IQCJ: variants seen among roughly 807,000 people sequenced by gnomAD.
IQCJ encodes IQ motif containing J.
Under a neutral mutation model 11.0 loss-of-function variants are expected in IQCJ, and 9 were observed. That is an observed-to-expected ratio of 0.82 (90% CI 0.49 to 1.43). The LOEUF is 1.43. Among genes scored for constraint, IQCJ ranks in the 40% most tolerant of loss-of-function variants. The pLI is 0.00. For synonymous variants in IQCJ, 55 were observed against 51.3 expected (o/e 1.07, Z -0.31); for missense variants, 146 against 133.2 (o/e 1.10, Z -0.47).
Position 159,263,702 on chromosome 3 carries a change from T to A in IQCJ, c.*971T>A. The A allele has an allele frequency of 2.0e-6, 2 of 985,262 alleles. No homozygotes were observed. The highest frequency in any genetic ancestry group is 2.3e-4 in the East Asian group (2 of 8,828). The allele number at this position is 985,262 out of a possible 1,614,324, so 61.0% of individuals were successfully genotyped here. ...TTTTGGGATCAGGTAAAAGTTACTGTATTTGAAATGTTTTCAGATGGTTGC... is the reference window on the plus strand; with the variant it reads ...TTTTGGGATCAGGTAAAAGTTACTGAATTTGAAATGTTTTCAGATGGTTGC... On this transcript the variant is annotated 3_prime_UTR_variant, in exon 4 of 4. Coordinates refer to ENST00000397832, the MANE Select transcript of IQCJ (RefSeq NM_001042706.3).
intron 1 of IQCJ, among the ~76,000 whole-genome samples, chr3:159,208,747 T>A (rs1013211232): frequency 2.6e-5 from 4 of 152,192 alleles, no homozygotes; most frequent in Non-Finnish European, 5.9e-5. Context: ...TGAATGTGAA[T>A]TTATTTGGAA....
At chr3:159,261,083 A>G (rs1312835059) in intron 3 of IQCJ, among the ~76,000 whole-genome samples, 1 of 152,192 alleles carries the variant, frequency 6.6e-6, no homozygotes, top group Non-Finnish European at 1.5e-5. Flanking sequence ...TGTTATTTAT[A>G]TGCTGTGACC....
At chr3:159,165,476 G>A (rs984394906) in intron 1 of IQCJ, among the ~76,000 whole-genome samples, 2 of 152,138 alleles carry the variant, frequency 1.3e-5, no homozygotes, top group African/African-American at 4.8e-5. Context: ...ATATTACACA[G>A]GCAATTGTGT....
intron 1 of IQCJ, among the ~76,000 whole-genome samples, chr3:159,236,779 A>G (rs1726618264): frequency 6.6e-6 from 1 of 152,218 alleles, no homozygotes; most frequent in Non-Finnish European, 1.5e-5. Context: ...TATAGATTTT[A>G]TGTCTTCTAC....
At chr3:159,145,660 A>AATC (rs1259986977) in intron 1 of IQCJ, among the ~76,000 whole-genome samples, 2 of 152,148 alleles carry the variant, frequency 1.3e-5, no homozygotes, top group East Asian at 1.9e-4. Flanking sequence ...AATTTTAATC[A>AATC]ATCACTTATT....
intron 1 of IQCJ, among the ~76,000 whole-genome samples, chr3:159,172,164 A>G (rs577606050): frequency 6.6e-6 from 1 of 152,302 alleles, no homozygotes; most frequent in African/African-American, 2.4e-5. Context: ...ATTGATTTTT[A>G]TAATGGTCAA....
intron 1 of IQCJ, among the ~76,000 whole-genome samples, chr3:159,152,911 C>A (rs1415372559): frequency 6.6e-6 from 1 of 151,844 alleles, no homozygotes; most frequent in Admixed American, 6.5e-5. Flanking sequence ...GGTAGTACGC[C>A]ATAAGTGACC....
At chr3:159,161,248 G>A (rs1431511535) in intron 1 of IQCJ, among the ~76,000 whole-genome samples, 2 of 152,180 alleles carry the variant, frequency 1.3e-5, no homozygotes. Context: ...GTATGTCATT[G>A]TGGTTTTGAT....
At position 159,192,677 on chromosome 3, in the gene IQCJ, G is replaced by C. The variant is rs551625739; in HGVS notation, c.10-53166G>C. Among the ~76,000 whole-genome samples, 117 of 152,310 alleles carry C rather than the reference G, an allele frequency of 7.7e-4. 2 individuals carry two copies. The highest frequency in any genetic ancestry group is 4.6e-4 in the Admixed American group (7 of 15,306). ...CTCTTCAGCCAAGAGCAATTCCTTA[G>C]AGAAATTATATTGTGCATTATCAGT... is the stretch of plus-strand genomic sequence containing the variant. On this transcript the variant is annotated intron_variant, in intron 1 of 3. Coordinates refer to ENST00000397832, the MANE Select transcript of IQCJ (RefSeq NM_001042706.3).
rs561540628 is a variant in IQCJ, at chr3:159,093,229, C to G, written c.9+23788C>G. Among the ~76,000 whole-genome samples, 158 of 151,880 alleles carry G rather than the reference C, an allele frequency of 1.0e-3. 2 individuals are homozygous for G. In the South Asian group the frequency reaches 0.031, roughly 30 times the overall value. On this transcript the variant is annotated intron_variant, in intron 1 of 3. Coordinates refer to ENST00000397832, the MANE Select transcript of IQCJ (RefSeq NM_001042706.3). ...GTAGGATTCTTACCATTTTATTAGACTCTCGTGACAATTTGGCAAGAAGCA... is the reference window on the plus strand; with the variant it reads ...GTAGGATTCTTACCATTTTATTAGAGTCTCGTGACAATTTGGCAAGAAGCA...
At chr3:159,233,449 T>C (rs568234037) in intron 1 of IQCJ, among the ~76,000 whole-genome samples, 166 of 152,180 alleles carry the variant, frequency 1.1e-3, no homozygotes, top group Non-Finnish European at 1.7e-3. Flanking sequence ...TAATGGGAAA[T>C]GGGTTGAGAG....
chr3:159,181,587 G>T (rs529664742), intron 1 of IQCJ, among the ~76,000 whole-genome samples: 2 of 151,226 alleles, frequency 1.3e-5, no homozygotes, highest in African/African-American at 4.9e-5. Context: ...ACTCATCATT[G>T]CCATCTCCTT....
At chr3:159,083,748 G>A (rs574001926) in intron 1 of IQCJ, among the ~76,000 whole-genome samples, 1 of 152,138 alleles carries the variant, frequency 6.6e-6, no homozygotes, top group African/African-American at 2.4e-5. Flanking sequence ...AAACTGTGGT[G>A]TGTCATAAAC....
At chr3:159,142,906 T>C (rs1720711128) in intron 1 of IQCJ, among the ~76,000 whole-genome samples, 1 of 152,216 alleles carries the variant, frequency 6.6e-6, no homozygotes, top group African/African-American at 2.4e-5. Context: ...GATATATATG[T>C]AAGCCTTCAG....
At chr3:159,165,645 C>T (rs1162809403) in intron 1 of IQCJ, among the ~76,000 whole-genome samples, 3 of 150,494 alleles carry the variant, frequency 2.0e-5, no homozygotes, top group South Asian at 2.1e-4. Flanking sequence ...GACAGATTCT[C>T]ACTCTGTTGC....
chr3:159,218,070 G>A (rs1725334453), intron 1 of IQCJ, among the ~76,000 whole-genome samples: 1 of 151,394 alleles, frequency 6.6e-6, no homozygotes, highest in African/African-American at 2.4e-5. Context: ...AAACACTTAT[G>A]TACATGGTAG....
Position 159,115,736 on chromosome 3 carries a change from C to T in IQCJ, c.9+46295C>T, listed in dbSNP as rs372229462. On this transcript the variant is annotated intron_variant, in intron 1 of 3. Transcript: ENST00000397832. ...CAAGAGGTAATTTTAGTCTGGGAAA[C>T]ATAGGGAGACCCATCTCTAAAAAAA... 8.5e-5 allele frequency among the ~76,000 whole-genome samples: 13 copies of T among 152,248 alleles called. No homozygotes were observed. The East Asian group carries it at 2.1e-3, about 25-fold the overall frequency.
intron 1 of IQCJ, among the ~76,000 whole-genome samples, chr3:159,191,057 G>A (rs1012510188): frequency 2.0e-5 from 3 of 152,156 alleles, no homozygotes; most frequent in African/African-American, 7.2e-5. Context: ...GAATCTCAGT[G>A]CCCTTGACAT....
At chr3:159,134,493 G>A (rs567306939) in intron 1 of IQCJ, among the ~76,000 whole-genome samples, 2 of 152,142 alleles carry the variant, frequency 1.3e-5, no homozygotes, top group Non-Finnish European at 2.9e-5. Flanking sequence ...AGTTCTGCTT[G>A]TAGAGAGAGG....
Sources: allele counts gnomAD v4.1 joint callset (sites outside exome capture counted in the v4.1 genomes callset), GRCh38; gene constraint gnomAD v4.1.1; transcripts MANE v1.5; gene names NCBI Gene and HGNC (gene_info 2026-07-23, HGNC 2026-07-21).